HPS1: variants seen among roughly 807,000 people sequenced by gnomAD.
The protein encoded by HPS1 is HPS1 biogenesis of lysosomal organelles complex 3 subunit 1, also known as BLOC-3 complex member HPS1.
In HPS1, 59 loss-of-function variants were observed where a neutral mutation model predicts 90.6. That is an observed-to-expected ratio of 0.65 (90% CI 0.53 to 0.81). The LOEUF (loss-of-function observed/expected upper bound fraction) is 0.81, where lower values mean the gene tolerates loss of function less well. HPS1 is among the 30% of genes least tolerant of loss of function. The pLI, the probability that HPS1 is intolerant of heterozygous loss-of-function variation, is 0.00. For missense variants in HPS1, 849 were observed against 896.7 expected (o/e 0.95, Z 0.68); for synonymous variants, 388 against 384.4 (o/e 1.01, Z -0.11).
In HPS1 at chr10:98,435,350, C is replaced by T. The variant is rs538482143; in HGVS notation, c.320G>A (p.Arg107Gln). ...DHTESEGDLR[R>Q]KLYVLKYLFE... ...CAGGTACTTGAGCACATACAGCTTC[C>T]GCCGCAGGTCCCCCTCGCTCTCGGT... Residue 107 changes from arginine to glutamine, a missense_variant, in exon 5 of 20, where the codon CGG (arginine) becomes CAG (glutamine). Coordinates refer to ENST00000361490, the MANE Select transcript of HPS1 (RefSeq NM_000195.5). The surrounding 1 kb of genome is among the most constrained non-coding windows in gnomAD (Gnocchi z 4.3). The T allele has an allele frequency of 1.8e-5, 29 of 1,613,886 alleles. No individual in the cohort carries two copies. Among genetic ancestry groups the T allele is most frequent in the South Asian group, 4.4e-5 (4 of 91,056 alleles).
chr10:98,441,572 A>G (rs1938429391), intron 3 of HPS1, among the ~76,000 whole-genome samples: 1 of 152,244 alleles, frequency 6.6e-6, no homozygotes, highest in South Asian at 2.1e-4. Context: ...GAATACAAAC[A>G]CAAGCCACAA....
Position 98,434,081 on chromosome 10 carries a change from G to A in HPS1, c.409C>T (p.Pro137Ser), listed in dbSNP as rs1846935836. ...GHLIRKELRP[P>S]DLAQRVQLWE... The stretch of plus-strand genomic sequence containing the variant: ...AGCTGGACACGCTGCGCCAGGTCTG[G>A]GGGCCGCAGCCTGGGGGCAGAGCCA... Residue 137 changes from proline (P) to serine (S), a missense_variant, in exon 6 of 20, where the codon CCA (proline) becomes TCA (serine). Transcript: ENST00000361490. 1 of 1,549,842 alleles carries A rather than the reference G, an allele frequency of 6.5e-7. No individual in the cohort carries two copies. Among genetic ancestry groups the A allele is most frequent in the African/African-American group, 1.4e-5 (1 of 73,072 alleles).
At position 98,417,153 on chromosome 10, in the gene HPS1, A is replaced by C; in HGVS notation, c.*411T>G. On this transcript the variant is annotated 3_prime_UTR_variant, in exon 20 of 20. Coordinates refer to ENST00000361490, the MANE Select transcript of HPS1 (RefSeq NM_000195.5). The surrounding 1 kb of genome is among the most constrained non-coding windows in gnomAD (Gnocchi z 4.2). ...AACTTGCCAGGAGGTGCAGAGAGGA[A>C]GTGGCAGCGCTGGAATTCAAACCCA... is the stretch of plus-strand genomic sequence containing the variant. The C allele has an allele frequency of 6.3e-6, 1 of 159,462 alleles. No homozygotes were observed. The allele number at this position is 159,462 out of a possible 1,614,324, so 9.9% of individuals were successfully genotyped here. A position where few individuals can be genotyped will look rare whatever the true frequency, so the allele number is the denominator to read the frequency against.
intron 1 of HPS1, among the ~76,000 whole-genome samples, chr10:98,446,581 G>A (rs1939619163): frequency 6.6e-6 from 1 of 152,136 alleles, no homozygotes; most frequent in South Asian, 2.1e-4. Flanking sequence ...CGGGGCTCCC[G>A]TTTGCCTAGC....
chr10:98,427,247 C>G lies in HPS1; in HGVS notation c.955G>C (p.Glu319Gln), dbSNP rs1845734067. The change falls in exon 11 of 20, where the codon GAG becomes CAG. Residue 319 changes from glutamate (E) to glutamine (Q), a missense_variant. Physicochemically the swap from Glu to Gln is conservative, Grantham distance 29. Coordinates refer to ENST00000361490, the MANE Select transcript of HPS1 (RefSeq NM_000195.5). ...GCATCCATGGGGGGGGTGCCCCCCT[C>G]CAGCCAGATGGTGCTACCTGCAGGC... is the stretch of plus-strand genomic sequence containing the variant. ...DQSSGSTIWL[E>Q]GGTPPMDALQ... 2 of 1,551,400 alleles carry G rather than the reference C, an allele frequency of 1.3e-6. No individual in the cohort carries two copies. The highest frequency in any genetic ancestry group is 1.7e-6 in the Non-Finnish European group (2 of 1,146,790).
At position 98,435,620 on chromosome 10, in the gene HPS1, G is replaced by C. The variant is rs1847206762; in HGVS notation, c.255+15C>G. The C allele has an allele frequency of 1.2e-6, 2 of 1,614,072 alleles. No homozygotes were observed. The highest frequency in any genetic ancestry group is 1.7e-5 in the Admixed American group (1 of 60,020). On this transcript the variant is annotated intron_variant, in intron 4 of 19. Coordinates refer to ENST00000361490, the MANE Select transcript of HPS1 (RefSeq NM_000195.5). This position sits in a 1 kb window ranked among gnomAD's most constrained non-coding sequence, Gnocchi z 4.3. Reference sequence around the variant, plus strand: ...TGAGGGAAGAGGAACATGGGCCCCAGAGCTATAGACTCACCAGGTGAAGGA... The same window carrying C: ...TGAGGGAAGAGGAACATGGGCCCCACAGCTATAGACTCACCAGGTGAAGGA...
chr10:98,422,839 C>T (rs1845070359), intron 16 of HPS1, among the ~76,000 whole-genome samples: 1 of 152,214 alleles, frequency 6.6e-6, no homozygotes, highest in Non-Finnish European at 1.5e-5. Context: ...GTGAGCACAG[C>T]CACTTGGTTC....
At chr10:98,422,340 C>A in intron 17 of HPS1, 29 bp downstream of exon 17, 1 of 1,597,584 alleles carries the variant, frequency 6.3e-7, no homozygotes, top group South Asian at 1.1e-5. Context: ...TGAGGCCCAC[C>A]CATCCCCGCC....
At chr10:98,446,427 C>T (rs1352144977) in intron 1 of HPS1, among the ~76,000 whole-genome samples, 2 of 152,352 alleles carry the variant, frequency 1.3e-5, no homozygotes, top group South Asian at 4.1e-4. Context: ...CGACCCCCAG[C>T]GCCCACTTTC....
In HPS1 at chr10:98,433,999, T is replaced by C. The variant is rs554941407; in HGVS notation, c.491A>G (p.Gln164Arg). 3 of 1,558,912 alleles carry C rather than the reference T, an allele frequency of 1.9e-6. No individual in the cohort carries two copies. The highest frequency in any genetic ancestry group is 3.9e-5 in the Admixed American group (2 of 51,868). The change falls in exon 6 of 20, where the codon CAG (glutamine) becomes CGG (arginine). Residue 164 changes from glutamine to arginine, a missense_variant. Transcript: ENST00000361490. Reference protein sequence around the residue: ...WTYSRLREQEQCFAVEALERL... With the variant: ...WTYSRLREQERCFAVEALERL... ...AGTAGTCACCTCCACGGCGAAGCAC[T>C]GCTCCTGCTCCCGCAGGCGGCTGTA...
At chr10:98,436,156 T>G (rs1847292297) in intron 3 of HPS1, among the ~76,000 whole-genome samples, 1 of 152,152 alleles carries the variant, frequency 6.6e-6, no homozygotes, top group African/African-American at 2.4e-5. Flanking sequence ...CTAAGGAAAA[T>G]GATCAGAGAT....
intron 3 of HPS1, among the ~76,000 whole-genome samples, chr10:98,436,205 C>A (rs7082304): frequency 0.13 from 19,485 of 151,800 alleles, 1,508 homozygotes; most frequent in South Asian, 0.22. Flanking sequence ...TCACTACTGC[C>A]TAATTTATAA....
At position 98,424,344 on chromosome 10, in the gene HPS1, A is replaced by G; in HGVS notation, c.1366T>C (p.Phe456Leu). The G allele has an allele frequency of 1.9e-6, 3 of 1,613,000 alleles. No homozygotes were observed. Among genetic ancestry groups the G allele is most frequent in the Non-Finnish European group, 2.5e-6 (3 of 1,179,628 alleles). The change falls in exon 14 of 20, where the codon TTC becomes CTC. Residue 456 changes from phenylalanine to leucine, a missense_variant. Transcript: ENST00000361490. ...GAGGATCCGGGCTCACTTTTGGAGA[A>G]AGCCTTGGCCTTAAACTCCAGCCAG... The part of the protein sequence containing the change: ...STWLEFKAKA[F>L]SKSEPGSSWE...
rs1282198471 is a variant in HPS1, at chr10:98,421,955, GAAAGA to G, written c.1743+409_1743+413del. The stretch of plus-strand genomic sequence containing the variant: ...TACTTGCCTCCCCCACCAAAACAAA[GAAAGA>G]AAAGAACACACACACACAGACACAC... On this transcript the variant is annotated intron_variant, in intron 17 of 19. Coordinates refer to ENST00000361490, the MANE Select transcript of HPS1 (RefSeq NM_000195.5). 7.4e-5 allele frequency among the ~76,000 whole-genome samples: 10 copies of G among 134,882 alleles called. No homozygotes were observed. In the East Asian group the frequency reaches 2.0e-3, roughly 27 times the overall value. The allele number at this position is 134,882 out of a possible 152,430, so 88.5% of individuals were successfully genotyped here.
rs2136257752 is a variant in HPS1 at position 98,435,752 on chromosome 10, C to T, written c.138G>A (p.Gln46=). 6.2e-7 allele frequency: 1 copy of T among 1,614,176 alleles called. No individual in the cohort carries two copies. The highest frequency in any genetic ancestry group is 8.5e-7 in the Non-Finnish European group (1 of 1,180,030). The change falls in exon 4 of 20, where the codon CAG becomes CAA. Residue 46 remains glutamine, a synonymous_variant. Coordinates refer to ENST00000361490, the MANE Select transcript of HPS1 (RefSeq NM_000195.5). This position sits in a 1 kb window ranked among gnomAD's most constrained non-coding sequence, Gnocchi z 4.3. ...TGACCGGGGCTAGGAGGGTGCTGAG[C>T]TGGTCCTCCAGGGCAGGGAGCTGCA... ...EEEELPALED[Q]LSTLLAPVII...
At chr10:98,420,442 G>A in intron 17 of HPS1, 1 of 384,566 alleles carries the variant, frequency 2.6e-6, no homozygotes, top group Non-Finnish European at 5.0e-6. Context: ...GGGCTAGTGT[G>A]GTGGCTTACG....
chr10:98,444,515 A>T (rs1197360578), intron 2 of HPS1, among the ~76,000 whole-genome samples: 1 of 152,180 alleles, frequency 6.6e-6, no homozygotes, highest in Non-Finnish European at 1.5e-5. Context: ...TCAGGGTGTC[A>T]CGCAGATATA....
In HPS1 at chr10:98,416,203, T is replaced by C. The variant is rs914354816; in HGVS notation, c.*1361A>G. The C allele has an allele frequency of 1.3e-5, 2 of 152,358 alleles. No homozygotes were observed. Among genetic ancestry groups the C allele is most frequent in the African/African-American group, 4.8e-5 (2 of 41,450 alleles). The allele number at this position is 152,358 out of a possible 1,614,324, so 9.4% of individuals were successfully genotyped here. On this transcript the variant is annotated 3_prime_UTR_variant, in exon 20 of 20. Coordinates refer to ENST00000361490, the MANE Select transcript of HPS1 (RefSeq NM_000195.5). ...TGTGAGCATCTCTGCTAAGATCTGA[T>C]TCAGGATGTTCACTCCTGTGTTATT...
intron 13 of HPS1, among the ~76,000 whole-genome samples, chr10:98,424,846 G>A (rs568266096): frequency 1.8e-4 from 27 of 152,242 alleles, no homozygotes; most frequent in East Asian, 7.7e-4. Context: ...GAGGCACTGC[G>A]GGATGTGGCA....
Sources: gnomAD v4.1 joint callset for allele counts (sites outside exome capture counted in the v4.1 genomes callset) on GRCh38, gnomAD v4.1.1 for gene constraint, Gnocchi (gnomAD v3.1) non-coding constraint, MANE v1.5 for transcripts, NCBI Gene and HGNC (gene_info 2026-07-23, HGNC 2026-07-21) for gene names.